UBE3A: variants seen among roughly 807,000 people sequenced by gnomAD.
UBE3A encodes ubiquitin-protein ligase E3A.
A neutral mutation model predicts 83.4 loss-of-function variants in UBE3A; 6 were observed. The ratio of observed to expected loss-of-function variants is 0.07; its 90% CI spans 0.04 to 0.14. The LOEUF (loss-of-function observed/expected upper bound fraction) is 0.14. UBE3A is among the 10% of genes least tolerant of loss of function. The pLI is 1.00. For synonymous variants in UBE3A, 337 were observed against 355.4 expected, an observed-to-expected ratio of 0.95 and a Z score of 0.58; for missense variants, 456 against 1,036.1, an observed-to-expected ratio of 0.44 and a Z score of 7.69.
chr15:25,407,131 A>T (rs1353195507), intron 3 of UBE3A: 1 of 1,350,458 alleles, frequency 7.4e-7, no homozygotes, highest in South Asian at 1.1e-5. Context: ...TCTCCCAGAC[A>T]GAAGAGCTAA....
intron 1 of UBE3A, chr15:25,420,761 A>C (rs942417815): frequency 1.3e-4 from 20 of 152,210 alleles, no homozygotes; most frequent in African/African-American, 4.3e-4. Context: ...CTCTAAAAAA[A>C]TTAAACATAC....
intron 3 of UBE3A, chr15:25,407,116 T>C (rs2088798982): frequency 7.4e-7 from 1 of 1,350,786 alleles, no homozygotes; most frequent in South Asian, 1.1e-5. Context: ...GCTTCCAAAC[T>C]TGTATCTCCC....
chr15:25,431,869 T>C (rs1318957671), intron 1 of UBE3A, among the ~76,000 whole-genome samples: 2 of 152,202 alleles, frequency 1.3e-5, no homozygotes, highest in Non-Finnish European at 2.9e-5. Flanking sequence ...GCTGTAAGAT[T>C]ATCAATATTG....
At chr15:25,382,786 G>C (rs1261200319) in intron 4 of UBE3A, among the ~76,000 whole-genome samples, 1 of 152,104 alleles carries the variant, frequency 6.6e-6, no homozygotes, top group South Asian at 2.1e-4. Context: ...TGCTGCCACA[G>C]AAATAAATAG....
At chr15:25,404,470 T>G (rs139413803) in intron 4 of UBE3A, among the ~76,000 whole-genome samples, 1 of 152,214 alleles carries the variant, frequency 6.6e-6, no homozygotes, top group Non-Finnish European at 1.5e-5. Flanking sequence ...ACCTCTATTA[T>G]CTGAAACATC....
chr15:25,355,696 C>A (rs1263819830), intron 9 of UBE3A, among the ~76,000 whole-genome samples, 196 bp downstream of exon 9: 1 of 152,130 alleles, frequency 6.6e-6, no homozygotes, highest in Admixed American at 6.6e-5. Context: ...CTAAAAGGGG[C>A]TTTAGTGCCC....
chr15:25,408,295 A>C (rs936515209), intron 3 of UBE3A: 7 of 392,156 alleles, frequency 1.8e-5, no homozygotes, highest in African/African-American at 4.1e-5. Context: ...TAAAGAGTCT[A>C]CTTATTCTTT....
At chr15:25,418,076 T>A (rs1207295748) in intron 1 of UBE3A, 3 of 152,174 alleles carry the variant, frequency 2.0e-5, no homozygotes, top group African/African-American at 7.2e-5. Flanking sequence ...CTGTACAGCA[T>A]GTTACTATAC....
rs184766593 is a variant in UBE3A at position 25,362,405 on chromosome 15, T to C, written c.1609-1878A>G. On this transcript the variant is annotated intron_variant, in intron 6 of 12. Coordinates refer to ENST00000648336, the MANE Select transcript of UBE3A (RefSeq NM_130839.5). ...GAATTCACCTTACTAGTCCCAACTC[T>C]CACTTACCATAACTTTTAACCTTTA... 3.5e-3 allele frequency among the ~76,000 whole-genome samples: 535 copies of C among 152,358 alleles called. 1 individual carries two copies. Among genetic ancestry groups the C allele is most frequent in the Non-Finnish European group, 6.3e-3 (431 of 68,020 alleles).
chr15:25,412,929 G>A (rs1217429973), intron 1 of UBE3A: 2 of 406,928 alleles, frequency 4.9e-6, no homozygotes, highest in African/African-American at 4.3e-5. Context: ...CATGAAGTAG[G>A]GGTAAATGAA....
At chr15:25,412,131 G>A (rs565884065) in intron 1 of UBE3A, among the ~76,000 whole-genome samples, 160 bp from the exon 2 acceptor site, 2 of 151,964 alleles carry the variant, frequency 1.3e-5, no homozygotes, top group Non-Finnish European at 2.9e-5. Context: ...TTGCCGGGAT[G>A]AGGAAAGCAT....
At chr15:25,341,783 C>CAAA (rs60827150) in intron 11 of UBE3A, among the ~76,000 whole-genome samples, 18 of 81,638 alleles carry the variant, frequency 2.2e-4, no homozygotes, top group African/African-American at 4.8e-4. Flanking sequence ...AATTTCATCT[C>CAAA]AAAAAAAAAA....
intron 12 of UBE3A, chr15:25,339,525 A>G: frequency 6.3e-6 from 2 of 319,142 alleles, no homozygotes; most frequent in Non-Finnish European, 1.2e-5. Context: ...GAATTCTTAC[A>G]GTTCATTTAA....
chr15:25,378,299 A>G (rs1056146677), intron 4 of UBE3A, among the ~76,000 whole-genome samples: 14 of 152,150 alleles, frequency 9.2e-5, no homozygotes, highest in Admixed American at 1.3e-4. Context: ...CGAGACTGAA[A>G]AATCAGAAGA....
chr15:25,426,860 C>T (rs1174211864), intron 1 of UBE3A, among the ~76,000 whole-genome samples: 1 of 151,750 alleles, frequency 6.6e-6, no homozygotes, highest in Non-Finnish European at 1.5e-5. Flanking sequence ...GGTCTGTCAC[C>T]GCGGCTGGAG....
intron 4 of UBE3A, among the ~76,000 whole-genome samples, chr15:25,398,772 TA>T (rs1953195558): frequency 8.9e-4 from 5 of 5,622 alleles, no homozygotes; most frequent in African/African-American, 2.6e-3. Flanking sequence ...TTCTTTTATT[TA>T]TATATATATA....
chr15:25,339,947 T>C, intron 12 of UBE3A, 138 bp downstream of exon 12: 1 of 1,192,470 alleles, frequency 8.4e-7, no homozygotes, highest in Non-Finnish European at 1.2e-6. Flanking sequence ...AAGTATTTTC[T>C]CAATTGTCTA....
At chr15:25,399,008 T>C (rs2086443545) in intron 4 of UBE3A, among the ~76,000 whole-genome samples, 1 of 151,592 alleles carries the variant, frequency 6.6e-6, no homozygotes. Context: ...ATGTCTTATT[T>C]TGAGAAATGT....
At chr15:25,420,371 A>C (rs1162460608) in intron 1 of UBE3A, among the ~76,000 whole-genome samples, 1 of 152,172 alleles carries the variant, frequency 6.6e-6, no homozygotes, top group Non-Finnish European at 1.5e-5. Context: ...TATGAAGAAA[A>C]AATGAACAGA....
Sources: allele counts gnomAD v4.1 joint callset (sites outside exome capture counted in the v4.1 genomes callset), GRCh38; gene constraint gnomAD v4.1.1; transcripts MANE v1.5; gene names NCBI Gene and HGNC (gene_info 2026-07-23, HGNC 2026-07-21).